Variants in TMCC3 observed in about 807,000 individuals in gnomAD.
TMCC3 encodes the protein transmembrane and coiled-coil domain protein 3.
In TMCC3, 28 loss-of-function variants were observed where a neutral mutation model predicts 40.2. That is an observed-to-expected ratio of 0.70 (90% CI 0.52 to 0.95). TMCC3 has a LOEUF of 0.95. Among genes scored for constraint, TMCC3 ranks in the 40% least tolerant of loss-of-function variants. The probability of loss-of-function intolerance (pLI) is 0.00; values close to 1 mark genes in which losing one functional copy is unlikely to be tolerated. For synonymous variants in TMCC3, 255 were observed against 248.5 expected, an observed-to-expected ratio of 1.03 and a Z score of -0.25; for missense variants, 554 against 615.2, an observed-to-expected ratio of 0.90 and a Z score of 1.05.
rs76225474 is a variant in TMCC3, at chr12:94,618,063, A to G, written c.78+32290T>C. ...ACGTATATACTTTCTTTGCTAGGTCATTTTGCTAATTCTAACTCTTAAAAT... is the reference window on the plus strand; with the variant it reads ...ACGTATATACTTTCTTTGCTAGGTCGTTTTGCTAATTCTAACTCTTAAAAT... On this transcript the variant is annotated intron_variant, in intron 1 of 3. Transcript: ENST00000261226. Among the ~76,000 whole-genome samples the G allele has an allele frequency of 3.4e-3, 511 of 152,300 alleles. 5 individuals carry two copies. Among genetic ancestry groups the G allele is most frequent in the African/African-American group, 0.011 (465 of 41,554 alleles).
chr12:94,579,400 G>A (rs746619986), intron 2 of TMCC3, among the ~76,000 whole-genome samples: 2 of 152,136 alleles, frequency 1.3e-5, no homozygotes, highest in Non-Finnish European at 2.9e-5. Context: ...CCAGCTACTC[G>A]GGAGGCTGAG....
At chr12:94,573,197 G>A (rs187079719) in intron 3 of TMCC3, among the ~76,000 whole-genome samples, 125 of 148,644 alleles carry the variant, frequency 8.4e-4, no homozygotes, top group Admixed American at 1.5e-3. Context: ...GAAGCCTAAC[G>A]GGCATACCCT....
At chr12:94,650,293 C>G in intron 1 of TMCC3, 60 bp downstream of exon 1, 3 of 1,111,316 alleles carry the variant, frequency 2.7e-6, no homozygotes, top group Non-Finnish European at 3.4e-6. Flanking sequence ...AGCCGCCGCC[C>G]CAGCCCGCCT....
intron 1 of TMCC3, among the ~76,000 whole-genome samples, chr12:94,594,996 T>C (rs2068706990): frequency 6.6e-6 from 1 of 152,226 alleles, no homozygotes; most frequent in South Asian, 2.1e-4. Context: ...TCCTAAAGTA[T>C]AGCTTCCTAG....
chr12:94,617,225 C>T (rs916466681), intron 1 of TMCC3, among the ~76,000 whole-genome samples: 1 of 152,164 alleles, frequency 6.6e-6, no homozygotes, highest in Non-Finnish European at 1.5e-5. Context: ...CAAACACAGA[C>T]GTCCTGATGA....
At chr12:94,634,687 A>G (rs938472834) in intron 1 of TMCC3, among the ~76,000 whole-genome samples, 3 of 152,218 alleles carry the variant, frequency 2.0e-5, no homozygotes, top group Admixed American at 6.5e-5. Context: ...ATTTTGCATA[A>G]GTAAGTGTCC....
intron 1 of TMCC3, among the ~76,000 whole-genome samples, chr12:94,597,165 A>AT (rs1491079878): frequency 0.031 from 2,878 of 92,636 alleles, 167 homozygotes; most frequent in South Asian, 0.048. Flanking sequence ...ATATGTATAT[A>AT]AATTAGCCAG....
intron 1 of TMCC3, among the ~76,000 whole-genome samples, chr12:94,617,242 A>G (rs2068852793): frequency 6.6e-6 from 1 of 152,174 alleles, no homozygotes; most frequent in Admixed American, 6.5e-5. Flanking sequence ...ATGAACAGAG[A>G]GAGAAAGGGA....
intron 1 of TMCC3, among the ~76,000 whole-genome samples, chr12:94,646,347 T>C (rs987689781): frequency 1.3e-5 from 2 of 150,952 alleles, no homozygotes; most frequent in South Asian, 2.1e-4. Flanking sequence ...ACCTGACATA[T>C]AGACAAATAC....
In TMCC3 at chr12:94,603,632, G is replaced by A. The variant is rs570696540; in HGVS notation, c.79-21094C>T. On this transcript the variant is annotated intron_variant, in intron 1 of 3. Transcript: ENST00000261226. ...CCCTTTGCGGGGAAGTAGGGGTACG[G>A]AGAATGATTCACCAGTAGGTGGCAC... is the stretch of plus-strand genomic sequence containing the variant. 1.2e-3 allele frequency among the ~76,000 whole-genome samples: 181 copies of A among 152,270 alleles called. No homozygotes were observed. The Middle Eastern group carries it at 0.014, about 11-fold the overall frequency.
chr12:94,609,528 C>T lies in TMCC3; in HGVS notation c.79-26990G>A, dbSNP rs145524656. On this transcript the variant is annotated intron_variant, in intron 1 of 3. Coordinates refer to ENST00000261226, the MANE Select transcript of TMCC3 (RefSeq NM_020698.4). ...TCTTAGCAACTTGATTTTTTGCAGCCCCAGAGCCTCATATTAACAGTCTCT... is the reference window on the plus strand; with the variant it reads ...TCTTAGCAACTTGATTTTTTGCAGCTCCAGAGCCTCATATTAACAGTCTCT... 5.3e-5 allele frequency among the ~76,000 whole-genome samples: 8 copies of T among 152,274 alleles called. No individual in the cohort carries two copies. In the East Asian group the frequency reaches 5.8e-4, roughly 11 times the overall value.
chr12:94,627,052 G>A (rs2068907682), intron 1 of TMCC3, among the ~76,000 whole-genome samples: 1 of 151,934 alleles, frequency 6.6e-6, no homozygotes, highest in Non-Finnish European at 1.5e-5. Context: ...GTAGAGATGG[G>A]GGTTTCACCA....
At position 94,593,472 on chromosome 12, in the gene TMCC3, G is replaced by T. The variant is rs555287794; in HGVS notation, c.79-10934C>A. On this transcript the variant is annotated intron_variant, in intron 1 of 3. Coordinates refer to ENST00000261226, the MANE Select transcript of TMCC3 (RefSeq NM_020698.4). ...AGAAGGAGAAGAAGAAGAAGAAGAA[G>T]AAGAATTCTATTTCCTGAGAGCTGG... is the stretch of plus-strand genomic sequence containing the variant. Among the ~76,000 whole-genome samples the T allele has an allele frequency of 1.2e-3, 168 of 145,990 alleles. 7 individuals carry two copies. The highest frequency in any genetic ancestry group is 4.6e-3 in the East Asian group (23 of 4,982).
intron 3 of TMCC3, among the ~76,000 whole-genome samples, chr12:94,574,112 G>A (rs1397584840): frequency 2.0e-5 from 3 of 152,162 alleles, no homozygotes; most frequent in Non-Finnish European, 4.4e-5. Flanking sequence ...GATGGGTACA[G>A]TGGCGCATGC....
In TMCC3 at chr12:94,569,727, TCA is replaced by T. The variant is rs1226267070; in HGVS notation, c.*1706_*1707del. ...CTAAATGCTCAACGATTCCATTCTC[TCA>T]GACTATGGAACATTCTGTCACATTT... On this transcript the variant is annotated 3_prime_UTR_variant, in exon 4 of 4. Coordinates refer to ENST00000261226, the MANE Select transcript of TMCC3 (RefSeq NM_020698.4). The T allele has an allele frequency of 1.3e-5, 2 of 152,180 alleles. No individual in the cohort carries two copies. Among genetic ancestry groups the T allele is most frequent in the Non-Finnish European group, 2.9e-5 (2 of 68,024 alleles). The allele number at this position is 152,180 out of a possible 1,614,324, so 9.4% of individuals were successfully genotyped here.
chr12:94,578,146 C>CAAAAAAAAAAAAAAAAAA (rs1183420863), intron 3 of TMCC3, among the ~76,000 whole-genome samples: 4 of 34,860 alleles, frequency 1.1e-4, no homozygotes, highest in African/African-American at 4.9e-4. Context: ...AGACTCACCT[C>CAAAAAAAAAAAAAAAAAA]AAAAAAAAAA....
intron 1 of TMCC3, among the ~76,000 whole-genome samples, chr12:94,600,050 G>A (rs1366828043): frequency 1.3e-5 from 2 of 151,612 alleles, no homozygotes; most frequent in African/African-American, 4.8e-5. Context: ...GGTGGGGGAA[G>A]AGAGAGAGAG....
intron 1 of TMCC3, among the ~76,000 whole-genome samples, chr12:94,594,626 T>C (rs1470833606): frequency 6.6e-6 from 1 of 152,140 alleles, no homozygotes; most frequent in Non-Finnish European, 1.5e-5. Context: ...GAAGGGGATG[T>C]GGGAATATCG....
At chr12:94,630,033 T>C (rs528302590) in intron 1 of TMCC3, among the ~76,000 whole-genome samples, 4 of 152,126 alleles carry the variant, frequency 2.6e-5, no homozygotes, top group Non-Finnish European at 4.4e-5. Context: ...TGGGAGGCTA[T>C]GGCAGGCAAA....
Sources: allele counts gnomAD v4.1 joint callset (sites outside exome capture counted in the v4.1 genomes callset), GRCh38; gene constraint gnomAD v4.1.1; transcripts MANE v1.5; gene names NCBI Gene and HGNC (gene_info 2026-07-23, HGNC 2026-07-21).